Variants in SMOC1 observed in about 807,000 individuals in gnomAD.
The protein encoded by SMOC1 is SPARC-related modular calcium-binding protein 1.
In SMOC1, 22 loss-of-function variants were observed where a neutral mutation model predicts 56.3. The ratio of observed to expected loss-of-function variants is 0.39; its 90% CI spans 0.28 to 0.56. The LOEUF is 0.56. Ranked by LOEUF, SMOC1 falls within the 20% of genes least tolerant of loss-of-function variation. The pLI is 0.61. For missense variants in SMOC1, 509 were observed against 565.4 expected (o/e 0.90, Z 1.01); for synonymous variants, 193 against 215.0 (o/e 0.90, Z 0.89).
At chr14:69,936,570 A>G (rs1239416207) in intron 1 of SMOC1, among the ~76,000 whole-genome samples, 1 of 152,200 alleles carries the variant, frequency 6.6e-6, no homozygotes. Context: ...GAGTCTGGGC[A>G]AGCTTCGCTC....
At chr14:69,999,997 G>T (rs906909892) in intron 7 of SMOC1, among the ~76,000 whole-genome samples, 1 of 152,146 alleles carries the variant, frequency 6.6e-6, no homozygotes, top group East Asian at 1.9e-4. Flanking sequence ...GCAAAACTAC[G>T]TGCCCTGGTA....
chr14:70,016,464 C>A (rs1885516588), intron 10 of SMOC1, among the ~76,000 whole-genome samples: 2 of 152,086 alleles, frequency 1.3e-5, no homozygotes, highest in Admixed American at 6.5e-5. Context: ...AAAAGACAGA[C>A]AAGATGCTTC....
At chr14:69,923,184 A>G (rs959363543) in intron 1 of SMOC1, among the ~76,000 whole-genome samples, 6 of 151,930 alleles carry the variant, frequency 3.9e-5, no homozygotes, top group African/African-American at 1.5e-4. Flanking sequence ...TGACCTCATG[A>G]TCCACCTGCC....
At chr14:69,933,365 CT>C (rs11400707) in intron 1 of SMOC1, among the ~76,000 whole-genome samples, 2 of 151,312 alleles carry the variant, frequency 1.3e-5, no homozygotes, top group South Asian at 2.1e-4. Flanking sequence ...AAATGAAAGA[CT>C]TTTTTTTTCA....
chr14:69,885,311 T>C, intron 1 of SMOC1: 1 of 1,189,080 alleles, frequency 8.4e-7, no homozygotes, highest in Non-Finnish European at 1.2e-6. Flanking sequence ...TTAATTATTT[T>C]TATGTACAGA....
At chr14:70,019,388 ACCCAGTGAG>A (rs1885633171) in intron 10 of SMOC1, among the ~76,000 whole-genome samples, 1 of 152,180 alleles carries the variant, frequency 6.6e-6, no homozygotes, top group African/African-American at 2.4e-5. Context: ...TATTGTACCT[ACCCAGTGAG>A]CCCTTTTAGT....
chr14:69,883,771 CAT>C (rs1883711161), intron 1 of SMOC1, among the ~76,000 whole-genome samples: 1 of 152,058 alleles, frequency 6.6e-6, no homozygotes, highest in Non-Finnish European at 1.5e-5. Flanking sequence ...CCCTTTTCTC[CAT>C]ATCCTTACCA....
chr14:69,894,864 A>G (rs1566663758), intron 1 of SMOC1, among the ~76,000 whole-genome samples: 1 of 152,238 alleles, frequency 6.6e-6, no homozygotes, highest in Non-Finnish European at 1.5e-5. Flanking sequence ...GGCCATGTGA[A>G]GATGATTCCA....
intron 3 of SMOC1, among the ~76,000 whole-genome samples, chr14:69,966,899 A>C (rs1466106450): frequency 6.6e-6 from 1 of 152,198 alleles, no homozygotes; most frequent in African/African-American, 2.4e-5. Flanking sequence ...AGAAATCCTT[A>C]GTTCTAGCAC....
intron 1 of SMOC1, among the ~76,000 whole-genome samples, chr14:69,922,932 C>CTTTTT (rs536127994): frequency 2.7e-5 from 4 of 147,696 alleles, no homozygotes; most frequent in African/African-American, 2.6e-5. Flanking sequence ...TCTCAGCCCT[C>CTTTTT]TTTTTTTTGT....
At chr14:69,887,092 G>A (rs1326490300) in intron 1 of SMOC1, among the ~76,000 whole-genome samples, 1 of 152,060 alleles carries the variant, frequency 6.6e-6, no homozygotes. Context: ...ATCAGTGGGA[G>A]GGCAGATGAG....
chr14:69,934,090 G>A (rs1274694459), intron 1 of SMOC1, among the ~76,000 whole-genome samples: 2 of 152,158 alleles, frequency 1.3e-5, no homozygotes, highest in East Asian at 3.8e-4. Context: ...GAGGCTCATA[G>A]AGGTATGTAT....
chr14:69,880,401 C>T (rs895806139), intron 1 of SMOC1, among the ~76,000 whole-genome samples: 1 of 152,036 alleles, frequency 6.6e-6, no homozygotes, highest in African/African-American at 2.4e-5. Flanking sequence ...GGGGTCTCTC[C>T]CCCTGGGTTC....
At chr14:69,939,215 A>G (rs914850568) in intron 1 of SMOC1, among the ~76,000 whole-genome samples, 1 of 152,222 alleles carries the variant, frequency 6.6e-6, no homozygotes, top group Admixed American at 6.5e-5. Flanking sequence ...ATAGACTCAC[A>G]TTCAGCAGGG....
chr14:69,994,718 C>T (rs932007413), intron 7 of SMOC1, among the ~76,000 whole-genome samples: 1 of 152,174 alleles, frequency 6.6e-6, no homozygotes, highest in Non-Finnish European at 1.5e-5. Context: ...ATTTCTTTGA[C>T]TGTATATTAT....
chr14:69,958,172 G>A (rs1349158069), intron 3 of SMOC1, among the ~76,000 whole-genome samples: 2 of 152,150 alleles, frequency 1.3e-5, no homozygotes, highest in Non-Finnish European at 2.9e-5. Context: ...GAGGCAGGAG[G>A]ATTGCTTGAG....
chr14:69,996,293 A>G (rs1283996473), intron 7 of SMOC1, among the ~76,000 whole-genome samples: 1 of 152,228 alleles, frequency 6.6e-6, no homozygotes, highest in African/African-American at 2.4e-5. Flanking sequence ...CATTTGTGTC[A>G]TCTCACTTGA....
intron 2 of SMOC1, 126 bp downstream of exon 2, chr14:69,952,429 C>T: frequency 9.0e-7 from 1 of 1,115,200 alleles, no homozygotes; most frequent in Non-Finnish European, 1.3e-6. Context: ...TATCTCTCCA[C>T]CCCTTCCACC....
intron 7 of SMOC1, among the ~76,000 whole-genome samples, chr14:70,008,531 G>A (rs1885221783): frequency 1.3e-5 from 2 of 152,088 alleles, no homozygotes; most frequent in Non-Finnish European, 2.9e-5. Flanking sequence ...CCATCAACAG[G>A]GCCCAAGCCA....
Sources: gnomAD v4.1 joint callset for allele counts (sites outside exome capture counted in the v4.1 genomes callset) on GRCh38, gnomAD v4.1.1 for gene constraint, MANE v1.5 for transcripts, NCBI Gene and HGNC (gene_info 2026-07-23, HGNC 2026-07-21) for gene names.